POLR3B: variants seen among roughly 807,000 people sequenced by gnomAD.
The protein encoded by POLR3B is DNA-directed RNA polymerase III subunit RPC2.
In POLR3B, 96 loss-of-function variants were observed where a neutral mutation model predicts 147.4. The ratio of observed to expected loss-of-function variants is 0.65; its 90% confidence interval spans 0.55 to 0.77. The LOEUF (loss-of-function observed/expected upper bound fraction) is 0.77. Among genes scored for constraint, POLR3B ranks in the 30% least tolerant of loss-of-function variants. The probability of loss-of-function intolerance (pLI) is 0.00; values close to 1 mark genes in which losing one functional copy is unlikely to be tolerated. For synonymous variants in POLR3B, 461 were observed against 485.9 expected (o/e 0.95, Z 0.67); for missense variants, 1,036 against 1,413.5 (o/e 0.73, Z 4.28).
chr12:106,366,980 G>C (rs1443285508), intron 4 of POLR3B, among the ~76,000 whole-genome samples: 3 of 152,162 alleles, frequency 2.0e-5, no homozygotes, highest in African/African-American at 7.2e-5. Flanking sequence ...GTGCACATCT[G>C]TAATTCCAGA....
chr12:106,434,009 A>G, intron 16 of POLR3B, 137 bp downstream of exon 16: 2 of 726,392 alleles, frequency 2.8e-6, no homozygotes, highest in South Asian at 3.6e-5. Context: ...GTGAGCAAAC[A>G]CTTCATGAAT....
intron 23 of POLR3B, among the ~76,000 whole-genome samples, chr12:106,479,720 T>G: frequency 6.6e-6 from 1 of 152,000 alleles, no homozygotes. Context: ...GTATTTTTAG[T>G]TTTCTTTGAG....
At chr12:106,372,213 A>G (rs73186446) in intron 6 of POLR3B, among the ~76,000 whole-genome samples, 11,818 of 152,170 alleles carry the variant, frequency 0.078, 542 homozygotes, top group Middle Eastern at 0.13. Flanking sequence ...TTGATTCAAA[A>G]CAGTAACCTC....
rs554774322 is a variant in POLR3B at position 106,488,312 on chromosome 12, A to G, written c.2714-7743A>G. ...AAAAGAGCTGGACCTTTGATTAAGA[A>G]TCTCTAGAGCCGTTCATCCTTTAGT... On this transcript the variant is annotated intron_variant, in intron 23 of 27. Transcript: ENST00000228347. Among the ~76,000 whole-genome samples, 4 of 152,370 alleles carry G rather than the reference A, an allele frequency of 2.6e-5. No homozygotes were observed. The South Asian group carries it at 6.2e-4, about 24-fold the overall frequency.
chr12:106,508,544 G>A (rs552200671), intron 27 of POLR3B, among the ~76,000 whole-genome samples: 130 of 152,248 alleles, frequency 8.5e-4, no homozygotes, highest in Middle Eastern at 3.4e-3. Context: ...TGAGGTGTAG[G>A]GTAAGGTTGT....
At chr12:106,357,972 G>C (rs781465482) in intron 1 of POLR3B, 21 bp downstream of exon 1, 8 of 1,610,570 alleles carry the variant, frequency 5.0e-6, no homozygotes, top group African/African-American at 2.7e-5. Context: ...GGCACGCAGG[G>C]AGCGTCAGGG....
chr12:106,414,106 CATTA>C lies in POLR3B; in HGVS notation c.1101+3151_1101+3154del, dbSNP rs372850776. Among the ~76,000 whole-genome samples the C allele has an allele frequency of 5.3e-3, 446 of 84,018 alleles. 1 individual carries two copies. The highest frequency in any genetic ancestry group is 0.025 in the African/African-American group (382 of 15,372). 55.1% of individuals were successfully genotyped at this position (84,018 alleles called of 152,430 possible). The stretch of plus-strand genomic sequence containing the variant: ...TTTTAGCATCTAGAATCTAATATGC[CATTA>C]ATTATCAGGTGGACCACTATTTTTA... On this transcript the variant is annotated intron_variant, in intron 12 of 27. Transcript: ENST00000228347.
intron 9 of POLR3B, among the ~76,000 whole-genome samples, chr12:106,388,934 T>G (rs2036878735): frequency 6.6e-6 from 1 of 152,336 alleles, no homozygotes; most frequent in South Asian, 2.1e-4. Context: ...CTCCCCTTAT[T>G]TTTGTTCAAT....
intron 6 of POLR3B, among the ~76,000 whole-genome samples, chr12:106,375,594 A>G (rs1357307253): frequency 6.6e-6 from 1 of 152,200 alleles, no homozygotes; most frequent in African/African-American, 2.4e-5. Flanking sequence ...CTTCAGCAGT[A>G]TCAAAGCTAT....
intron 2 of POLR3B, among the ~76,000 whole-genome samples, chr12:106,364,787 C>T (rs1349249970): frequency 6.6e-6 from 1 of 152,176 alleles, no homozygotes; most frequent in African/African-American, 2.4e-5. Flanking sequence ...AAAGCAGGTA[C>T]CCGCTGCAAC....
At chr12:106,461,098 C>T in intron 22 of POLR3B, among the ~76,000 whole-genome samples, 1 of 146,686 alleles carries the variant, frequency 6.8e-6, no homozygotes, top group Non-Finnish European at 1.5e-5. Context: ...TCAAGAAATA[C>T]TTTTTTTTTT....
At chr12:106,501,550 A>C in intron 26 of POLR3B, 114 bp downstream of exon 26, 1 of 683,382 alleles carries the variant, frequency 1.5e-6, no homozygotes, top group South Asian at 1.8e-5. Flanking sequence ...GAGATGTCAA[A>C]ATTTGGCAAG....
intron 3 of POLR3B, 21 bp downstream of exon 3, chr12:106,366,593 A>G (rs1027995437): frequency 1.9e-6 from 3 of 1,598,884 alleles, no homozygotes; most frequent in South Asian, 1.1e-5. Flanking sequence ...GATGTTAGAA[A>G]TAGACATAAA....
chr12:106,403,120 AC>A (rs1339882741), intron 10 of POLR3B, among the ~76,000 whole-genome samples: 2 of 151,798 alleles, frequency 1.3e-5, no homozygotes, highest in African/African-American at 4.8e-5. Flanking sequence ...CAAGAAAAAA[AC>A]AAACAACCCC....
chr12:106,455,031 T>C (rs982248996), intron 20 of POLR3B, among the ~76,000 whole-genome samples: 2 of 152,226 alleles, frequency 1.3e-5, no homozygotes, highest in African/African-American at 2.4e-5. Context: ...ATATGAAATA[T>C]GTGTTTTCAC....
chr12:106,487,244 C>T (rs1309195010), intron 23 of POLR3B, among the ~76,000 whole-genome samples: 3 of 152,194 alleles, frequency 2.0e-5, no homozygotes, highest in East Asian at 1.9e-4. Flanking sequence ...TGTCACACCA[C>T]GATTCCTGCA....
chr12:106,388,373 A>G (rs1419130754), intron 9 of POLR3B, among the ~76,000 whole-genome samples: 4 of 151,714 alleles, frequency 2.6e-5, no homozygotes, highest in Admixed American at 1.3e-4. Context: ...GCTAGAGTGC[A>G]GTGGCGCGAT....
At chr12:106,468,602 A>T (rs1379931947) in intron 23 of POLR3B, among the ~76,000 whole-genome samples, 3 of 152,182 alleles carry the variant, frequency 2.0e-5, no homozygotes, top group African/African-American at 4.8e-5. Context: ...TTCCCTCTAC[A>T]CACTGCTTTA....
intron 23 of POLR3B, among the ~76,000 whole-genome samples, chr12:106,478,041 G>A (rs904575831): frequency 5.9e-5 from 9 of 151,604 alleles, no homozygotes; most frequent in African/African-American, 2.2e-4. Flanking sequence ...CATTAGCTGG[G>A]ACTACAGGTG....
Sources: allele counts gnomAD v4.1 joint callset (sites outside exome capture counted in the v4.1 genomes callset), GRCh38; gene constraint gnomAD v4.1.1; transcripts MANE v1.5; gene names NCBI Gene and HGNC (gene_info 2026-07-23, HGNC 2026-07-21).